LMOD1: variants seen among roughly 807,000 people sequenced by gnomAD.
LMOD1 encodes the protein leiomodin-1.
In LMOD1, 8 loss-of-function variants were observed where a neutral mutation model predicts 36.5. That is an observed-to-expected ratio of 0.22 (90% confidence interval 0.13 to 0.40). The LOEUF is 0.40. Ranked by LOEUF, LMOD1 falls within the 10% of genes least tolerant of loss-of-function variation. The pLI is 1.00. For synonymous variants in LMOD1, 284 were observed against 288.7 expected (o/e 0.98, Z 0.17); for missense variants, 630 against 751.1 (o/e 0.84, Z 1.88).
chr1:201,944,650 T>C (rs1471785816), intron 1 of LMOD1, among the ~76,000 whole-genome samples: 1 of 151,276 alleles, frequency 6.6e-6, no homozygotes, highest in Non-Finnish European at 1.5e-5. Context: ...TACAGGACAA[T>C]AAATTCCTGA....
At chr1:201,944,470 G>C (rs975001673) in intron 1 of LMOD1, among the ~76,000 whole-genome samples, 2 of 152,118 alleles carry the variant, frequency 1.3e-5, no homozygotes, top group Admixed American at 1.3e-4. Context: ...CAGAGTCAAC[G>C]ATTTCCAAGG....
At chr1:201,912,132 A>T (rs927067104) in intron 1 of LMOD1, among the ~76,000 whole-genome samples, 2 of 152,180 alleles carry the variant, frequency 1.3e-5, no homozygotes, top group African/African-American at 4.8e-5. Context: ...GAGACATTTG[A>T]GCTGGTTCCT....
At chr1:201,921,106 G>A (rs1006836711) in intron 1 of LMOD1, among the ~76,000 whole-genome samples, 3 of 152,088 alleles carry the variant, frequency 2.0e-5, no homozygotes, top group African/African-American at 7.2e-5. Context: ...AACCATGGCG[G>A]GGAATATGGA....
chr1:201,913,347 T>C (rs558925740), intron 1 of LMOD1, among the ~76,000 whole-genome samples: 3 of 152,294 alleles, frequency 2.0e-5, no homozygotes, highest in East Asian at 3.9e-4. Flanking sequence ...GGCTCATGCA[T>C]GTAATCCCGG....
chr1:201,930,757 C>T (rs1455199690), intron 1 of LMOD1, among the ~76,000 whole-genome samples: 1 of 152,048 alleles, frequency 6.6e-6, no homozygotes, highest in Non-Finnish European at 1.5e-5. Flanking sequence ...GAGCCCTAAA[C>T]AATCATATTT....
At chr1:201,943,568 G>T (rs948007142) in intron 1 of LMOD1, among the ~76,000 whole-genome samples, 3 of 152,182 alleles carry the variant, frequency 2.0e-5, no homozygotes, top group Admixed American at 2.0e-4. Context: ...TTGTTTACTC[G>T]GGCCACTCAT....
intron 1 of LMOD1, among the ~76,000 whole-genome samples, chr1:201,929,041 C>A (rs1571588444): frequency 6.6e-6 from 1 of 150,516 alleles, no homozygotes; most frequent in East Asian, 2.0e-4. Flanking sequence ...TTAATATTTT[C>A]TTTAGGGTCT....
At chr1:201,923,976 AAAAG>A (rs1290057534) in intron 1 of LMOD1, among the ~76,000 whole-genome samples, 3 of 151,460 alleles carry the variant, frequency 2.0e-5, no homozygotes, top group African/African-American at 7.3e-5. Context: ...AAAAGGAAAG[AAAAG>A]AAAGAAAAAG....
chr1:201,928,109 A>G (rs191332992), intron 1 of LMOD1, among the ~76,000 whole-genome samples: 3 of 152,338 alleles, frequency 2.0e-5, no homozygotes, highest in Admixed American at 1.3e-4. Context: ...TAATGCAGCA[A>G]TAAGGTCCTC....
chr1:201,896,739 C>G lies in LMOD1; in HGVS notation c.*1633G>C, dbSNP rs1681201810. ...GTGTCTGTCTCCTCTCCTCTGGGCC[C>G]AGTGATTGCTTAGGTGACTGGGGTG... On this transcript the variant is annotated 3_prime_UTR_variant, in exon 3 of 3. Transcript: ENST00000367288. 2.2e-6 allele frequency: 1 copy of G among 455,936 alleles called. No homozygotes were observed. The highest frequency in any genetic ancestry group is 4.4e-6 in the Non-Finnish European group (1 of 226,864). 28.2% of individuals were successfully genotyped at this position (455,936 alleles called of 1,614,324 possible).
chr1:201,901,583 T>TATATATACATAC (rs1553295689), intron 1 of LMOD1, among the ~76,000 whole-genome samples: 1 of 18,400 alleles, frequency 5.4e-5, no homozygotes, highest in Non-Finnish European at 1.1e-4. Flanking sequence ...TATATATATA[T>TATATATACATAC]ACATATATAT....
chr1:201,944,053 G>A lies in LMOD1; in HGVS notation c.261+2027C>T, dbSNP rs73072631. On this transcript the variant is annotated intron_variant, in intron 1 of 2. Transcript: ENST00000367288. ...ACCCCGAACTCCAGCCAGCCATTAT[G>A]CCAATGTACGTCCCTGGACAGGGTG... Among the ~76,000 whole-genome samples, 673 of 152,310 alleles carry A rather than the reference G, an allele frequency of 4.4e-3. 2 individuals carry two copies. The highest frequency in any genetic ancestry group is 0.015 in the African/African-American group (636 of 41,570).
At chr1:201,918,396 C>T (rs1194855126) in intron 1 of LMOD1, among the ~76,000 whole-genome samples, 1 of 152,200 alleles carries the variant, frequency 6.6e-6, no homozygotes. Context: ...AAATGTGATT[C>T]TGATCCATGG....
At chr1:201,946,059 T>G (rs1453265963) in intron 1 of LMOD1, 21 bp downstream of exon 1, 2 of 1,607,686 alleles carry the variant, frequency 1.2e-6, no homozygotes, top group African/African-American at 1.3e-5. Flanking sequence ...CCTCCTCCCC[T>G]CCAGGGCTGT....
In LMOD1 at chr1:201,923,710, A is replaced by G. The variant is rs115806816; in HGVS notation, c.261+22370T>C. Reference sequence around the variant, plus strand: ...AAAACCCCATCTCTACTAAAAATACAAAACGTTAGCTGAATGTGGTGATGC... The same window carrying G: ...AAAACCCCATCTCTACTAAAAATACGAAACGTTAGCTGAATGTGGTGATGC... On this transcript the variant is annotated intron_variant, in intron 1 of 2. Transcript: ENST00000367288. 9.3e-3 allele frequency among the ~76,000 whole-genome samples: 1,415 copies of G among 152,186 alleles called. 27 individuals carry two copies. The highest frequency in any genetic ancestry group is 0.033 in the African/African-American group (1,354 of 41,504).
chr1:201,901,601 TATATATATACAC>T (rs1348329162), intron 1 of LMOD1, among the ~76,000 whole-genome samples: 7 of 49,030 alleles, frequency 1.4e-4, no homozygotes, highest in African/African-American at 5.6e-4. Flanking sequence ...TATATGTATA[TATATATATACAC>T]ATATATATGT....
chr1:201,912,274 T>C (rs1681507898), intron 1 of LMOD1, among the ~76,000 whole-genome samples: 1 of 152,204 alleles, frequency 6.6e-6, no homozygotes, highest in Admixed American at 6.5e-5. Flanking sequence ...CAGGCATTGC[T>C]CCACCCCATT....
chr1:201,918,946 G>A (rs1361082531), intron 1 of LMOD1, among the ~76,000 whole-genome samples: 2 of 152,194 alleles, frequency 1.3e-5, no homozygotes, highest in African/African-American at 2.4e-5. Flanking sequence ...AGGCTGGAGT[G>A]TAGTGGTATG....
chr1:201,936,939 C>T (rs1404255961), intron 1 of LMOD1, among the ~76,000 whole-genome samples: 1 of 150,246 alleles, frequency 6.7e-6, no homozygotes, highest in Non-Finnish European at 1.5e-5. Flanking sequence ...GACTCTGTCT[C>T]AAAAAAAAAG....
Sources: allele counts gnomAD v4.1 joint callset (sites outside exome capture counted in the v4.1 genomes callset), GRCh38; gene constraint gnomAD v4.1.1; transcripts MANE v1.5; gene names NCBI Gene and HGNC (gene_info 2026-07-23, HGNC 2026-07-21).